Variants in LAMC1 observed in about 807,000 individuals in gnomAD.
The protein encoded by LAMC1 is laminin subunit gamma-1.
In LAMC1, 38 loss-of-function variants were observed where a neutral mutation model predicts 173.6. The ratio of observed to expected loss-of-function variants is 0.22; its 90% CI spans 0.17 to 0.29. The LOEUF is 0.29. Among genes scored for constraint, LAMC1 ranks in the 10% least tolerant of loss-of-function variants. LAMC1 has a pLI of 1.00. For synonymous variants in LAMC1, 746 were observed against 749.1 expected (o/e 1.00, Z 0.07); for missense variants, 1,824 against 2,051.8 (o/e 0.89, Z 2.14).
At chr1:183,117,826 C>T in intron 10 of LAMC1, 103 bp downstream of exon 10, 1 of 1,086,972 alleles carries the variant, frequency 9.2e-7, no homozygotes, top group Admixed American at 2.5e-5. Context: ...AGAAAAACTT[C>T]TGGGTTATTG....
At chr1:183,129,121 T>C (rs1297756445) in intron 18 of LAMC1, among the ~76,000 whole-genome samples, 6 of 134,246 alleles carry the variant, frequency 4.5e-5, no homozygotes, top group South Asian at 2.5e-4. Flanking sequence ...ACAATCACTC[T>C]GTTGCCCAGG....
intron 1 of LAMC1, among the ~76,000 whole-genome samples, chr1:183,054,948 C>T (rs1397807428): frequency 6.6e-6 from 1 of 150,524 alleles, no homozygotes; most frequent in Non-Finnish European, 1.5e-5. Context: ...GCCTTTTCTT[C>T]TGCCATCTTA....
intron 15 of LAMC1, 49 bp from the exon 16 acceptor site, chr1:183,126,071 C>T: frequency 1.3e-6 from 2 of 1,568,884 alleles, no homozygotes; most frequent in Non-Finnish European, 8.6e-7. Context: ...AAAAGTTGTG[C>T]TTAAAGTCTG....
At chr1:183,135,643 G>A (rs943849840) in intron 24 of LAMC1, among the ~76,000 whole-genome samples, 7 of 151,990 alleles carry the variant, frequency 4.6e-5, no homozygotes, top group African/African-American at 7.3e-5. Flanking sequence ...CCAACACTTC[G>A]GGAGGAAGGA....
intron 1 of LAMC1, among the ~76,000 whole-genome samples, chr1:183,038,037 ATT>A (rs35049638): frequency 6.6e-5 from 9 of 136,892 alleles, no homozygotes; most frequent in Admixed American, 7.4e-5. Flanking sequence ...CATTGTATGT[ATT>A]TTTTTTTTTT....
At chr1:183,122,482 G>A (rs902246331) in intron 13 of LAMC1, among the ~76,000 whole-genome samples, 5 of 152,000 alleles carry the variant, frequency 3.3e-5, no homozygotes, top group Admixed American at 6.6e-5. Flanking sequence ...TTGATCTACC[G>A]TCTCCCCTTT....
chr1:183,094,393 G>A (rs926825935), intron 1 of LAMC1, among the ~76,000 whole-genome samples: 2 of 152,158 alleles, frequency 1.3e-5, no homozygotes, highest in Admixed American at 6.5e-5. Context: ...GTTTTTCACC[G>A]TCATCTGACA....
chr1:183,126,495 C>T (rs1236200355), intron 16 of LAMC1, among the ~76,000 whole-genome samples: 1 of 152,206 alleles, frequency 6.6e-6, no homozygotes, highest in Non-Finnish European at 1.5e-5. Flanking sequence ...CTGATGCTTC[C>T]TTTTTCCAAT....
At position 183,116,605 on chromosome 1, in the gene LAMC1, A is replaced by G. The variant is rs1656329389; in HGVS notation, c.1357A>G (p.Ile453Val). ...RPCSCDPSGS[I>V]DECNIETGRC... ...ATGCTCTTGTGATCCCTCTGGCAGCATAGATGAATGTAATATTGAAACAGG... is the reference window on the plus strand; with the variant it reads ...ATGCTCTTGTGATCCCTCTGGCAGCGTAGATGAATGTAATATTGAAACAGG... Residue 453 changes from isoleucine (I) to valine (V), a missense_variant, in exon 7 of 28, where the codon ATA becomes GTA. Transcript: ENST00000258341. The G allele has an allele frequency of 1.2e-6, 2 of 1,612,512 alleles. No homozygotes were observed. The highest frequency in any genetic ancestry group is 1.7e-6 in the Non-Finnish European group (2 of 1,178,702).
intron 17 of LAMC1, among the ~76,000 whole-genome samples, chr1:183,128,285 C>T (rs4652778): frequency 0.52 from 78,284 of 151,418 alleles, 20,864 homozygotes; most frequent in South Asian, 0.65. Context: ...GTCAAAGGAA[C>T]AGCTCTGAAG....
chr1:183,035,010 G>A (rs1005565385), intron 1 of LAMC1, among the ~76,000 whole-genome samples: 5 of 152,232 alleles, frequency 3.3e-5, no homozygotes, highest in East Asian at 1.9e-4. Context: ...GCCATTTTAG[G>A]TCAGACCTGC....
chr1:183,030,065 C>A (rs1653809783), intron 1 of LAMC1, among the ~76,000 whole-genome samples: 1 of 152,138 alleles, frequency 6.6e-6, no homozygotes, highest in Non-Finnish European at 1.5e-5. Context: ...TAGAAAAAAT[C>A]AGAAGAATAA....
At chr1:183,078,996 A>G (rs1439636821) in intron 1 of LAMC1, among the ~76,000 whole-genome samples, 1 of 151,858 alleles carries the variant, frequency 6.6e-6, no homozygotes, top group Non-Finnish European at 1.5e-5. Flanking sequence ...ACTCTGTCTT[A>G]AAAAACAAAA....
chr1:183,027,004 G>A (rs958682682), intron 1 of LAMC1, among the ~76,000 whole-genome samples: 1 of 152,054 alleles, frequency 6.6e-6, no homozygotes, highest in African/African-American at 2.4e-5. Flanking sequence ...GCATACACAT[G>A]TGTATATAAA....
In LAMC1 at chr1:183,121,962, A is replaced by T; in HGVS notation, c.2212+18A>T. 2 of 1,612,760 alleles carry T rather than the reference A, an allele frequency of 1.2e-6. No individual in the cohort carries two copies. Among genetic ancestry groups the T allele is most frequent in the Non-Finnish European group, 1.7e-6 (2 of 1,178,838 alleles). Reference sequence around the variant, plus strand: ...TGAGACAGGTGAGATGATCTTTGGCAGCTCTTAGACCTAACTTCTCTTTAG... The same window carrying T: ...TGAGACAGGTGAGATGATCTTTGGCTGCTCTTAGACCTAACTTCTCTTTAG... On this transcript the variant is annotated intron_variant, in intron 12 of 27. Transcript: ENST00000258341.
At chr1:183,105,636 A>T (rs1571443056) in intron 2 of LAMC1, among the ~76,000 whole-genome samples, 1 of 35,858 alleles carries the variant, frequency 2.8e-5, no homozygotes, top group African/African-American at 6.3e-5. Flanking sequence ...CCTTGCATTT[A>T]AAAAAAAAAA....
chr1:183,071,345 G>T lies in LAMC1; in HGVS notation c.419-31983G>T, dbSNP rs554442697. 1.6e-4 allele frequency among the ~76,000 whole-genome samples: 25 copies of T among 151,982 alleles called. No homozygotes were observed. In the South Asian group the frequency reaches 5.0e-3, roughly 30 times the overall value. ...AGTTTCTCACTTGAAAATTGAAGCT[G>T]TGTCCAGATACAGCTGTAATTCAGA... is the stretch of plus-strand genomic sequence containing the variant. On this transcript the variant is annotated intron_variant, in intron 1 of 27. Coordinates refer to ENST00000258341, the MANE Select transcript of LAMC1 (RefSeq NM_002293.4).
At chr1:183,134,519 A>T (rs1285590347) in intron 22 of LAMC1, 141 bp from the exon 23 acceptor site, 15 of 602,592 alleles carry the variant, frequency 2.5e-5, no homozygotes, top group South Asian at 1.0e-4. Context: ...CTCATTTTTT[A>T]AAAAAGTCCA....
intron 8 of LAMC1, 157 bp downstream of exon 8, chr1:183,117,060 T>TAATGAA (rs1188537322): frequency 2.6e-6 from 2 of 780,748 alleles, no homozygotes; most frequent in Non-Finnish European, 3.9e-6. Flanking sequence ...CCTTTTAATT[T>TAATGAA]AATGAAAATG....
Sources: allele counts gnomAD v4.1 joint callset (sites outside exome capture counted in the v4.1 genomes callset), GRCh38; gene constraint gnomAD v4.1.1; transcripts MANE v1.5; gene names NCBI Gene and HGNC (gene_info 2026-07-23, HGNC 2026-07-21).